CASZ1: variants seen among roughly 807,000 people sequenced by gnomAD.
CASZ1 encodes the protein zinc finger protein castor homolog 1.
In CASZ1, 28 loss-of-function variants were observed where a neutral mutation model predicts 135.2. The observed-to-expected ratio is 0.21, with a 90% CI of 0.15 to 0.28. The LOEUF (loss-of-function observed/expected upper bound fraction) is 0.28, where lower values mean the gene tolerates loss of function less well. Ranked by LOEUF, CASZ1 falls within the 10% of genes least tolerant of loss-of-function variation. CASZ1 has a pLI of 1.00. For missense variants in CASZ1, 2,161 were observed against 2,453.3 expected, an observed-to-expected ratio of 0.88 and a Z score of 2.52; for synonymous variants, 1,068 against 1,073.4, an observed-to-expected ratio of 0.99 and a Z score of 0.10.
Position 10,783,246 on chromosome 1 carries a change from AGTGTGTGT to A in CASZ1, c.-234+13310_-234+13317del, listed in dbSNP as rs70997266. 9.6e-4 allele frequency among the ~76,000 whole-genome samples: 142 copies of A among 148,130 alleles called. No individual in the cohort carries two copies. In the South Asian group the frequency reaches 9.6e-3, roughly 10 times the overall value. Reference sequence around the variant, plus strand: ...TTTTTAACGGCTAGGCCAGTGGAGAAGTGTGTGTGTGTGTGTGTGTGTGTGTGTGTGTA... The same window carrying A: ...TTTTTAACGGCTAGGCCAGTGGAGAAGTGTGTGTGTGTGTGTGTGTGTGTA... On this transcript the variant is annotated intron_variant, in intron 1 of 20. Coordinates refer to ENST00000377022, the MANE Select transcript of CASZ1 (RefSeq NM_001079843.3).
chr1:10,651,230 C>T (rs1359770552), intron 11 of CASZ1, 154 bp from the exon 12 acceptor site: 4 of 486,502 alleles, frequency 8.2e-6, no homozygotes, highest in Non-Finnish European at 1.3e-5. Flanking sequence ...TCGCGACGCT[C>T]GCTCCTGTGT....
In CASZ1 at chr1:10,653,978, C is replaced by T. The variant is rs138274113; in HGVS notation, c.2079G>A (p.Glu693=). 6.2e-7 allele frequency: 1 copy of T among 1,613,906 alleles called. No homozygotes were observed. The highest frequency in any genetic ancestry group is 1.3e-5 in the African/African-American group (1 of 74,950). The change falls in exon 11 of 21, where the codon GAG becomes GAA. Residue 693 remains glutamate (E), a synonymous_variant. Coordinates refer to ENST00000377022, the MANE Select transcript of CASZ1 (RefSeq NM_001079843.3). ...SQMTSHKRKH[E]RRHIRSSGAL... ...CGCCCGAGGAGCGGATGTGCCGGCGCTCATGCTTGCGCTTGTGAGAGGTCA... is the reference window on the plus strand; with the variant it reads ...CGCCCGAGGAGCGGATGTGCCGGCGTTCATGCTTGCGCTTGTGAGAGGTCA...
At chr1:10,744,883 G>T (rs183202347) in intron 2 of CASZ1, among the ~76,000 whole-genome samples, 6 of 152,158 alleles carry the variant, frequency 3.9e-5, no homozygotes, top group African/African-American at 1.4e-4. Context: ...CCCGGTACAC[G>T]GTACACGCAG....
At chr1:10,704,578 C>A (rs1411538635) in intron 3 of CASZ1, 1 of 152,250 alleles carries the variant, frequency 6.6e-6, no homozygotes, top group Non-Finnish European at 1.5e-5. Flanking sequence ...GGGAAGGGGG[C>A]CGGTAGGACA....
rs780341018 is a variant in CASZ1 at position 10,739,765 on chromosome 1, T to A, written c.-77+20936A>T. Reference sequence around the variant, plus strand: ...CTCTCTTTGGGGTTCTGGTTCCCGATTAAACCTTGACCTCTCTAGCACATG... The same window carrying A: ...CTCTCTTTGGGGTTCTGGTTCCCGAATAAACCTTGACCTCTCTAGCACATG... On this transcript the variant is annotated intron_variant, in intron 2 of 20. Coordinates refer to ENST00000377022, the MANE Select transcript of CASZ1 (RefSeq NM_001079843.3). The surrounding 1 kb of genome is among the most constrained non-coding windows in gnomAD (Gnocchi z 4.8). Among the ~76,000 whole-genome samples, 50 of 152,180 alleles carry A rather than the reference T, an allele frequency of 3.3e-4. No homozygotes were observed. Among genetic ancestry groups the A allele is most frequent in the Admixed American group, 6.5e-5 (1 of 15,280 alleles).
At chr1:10,712,902 G>A (rs1436315236) in intron 2 of CASZ1, among the ~76,000 whole-genome samples, 1 of 152,234 alleles carries the variant, frequency 6.6e-6, no homozygotes, top group Non-Finnish European at 1.5e-5. Context: ...CTCTGGATGG[G>A]TCTGAGTCGA....
At chr1:10,749,810 CA>C (rs1257585657) in intron 2 of CASZ1, among the ~76,000 whole-genome samples, 1 of 152,176 alleles carries the variant, frequency 6.6e-6, no homozygotes, top group African/African-American at 2.4e-5. Context: ...TTACATCTAA[CA>C]AATATTAATA....
At chr1:10,738,935 T>C (rs959684889) in intron 2 of CASZ1, among the ~76,000 whole-genome samples, 1 of 150,220 alleles carries the variant, frequency 6.7e-6, no homozygotes, top group Admixed American at 6.6e-5. Flanking sequence ...TTTTTTTTTT[T>C]TTTTTTTTTC....
chr1:10,714,044 C>T (rs1171661339), intron 2 of CASZ1, among the ~76,000 whole-genome samples: 1 of 152,214 alleles, frequency 6.6e-6, no homozygotes, highest in Non-Finnish European at 1.5e-5. Context: ...TGGTGGCTCA[C>T]ACCTGTAATC....
intron 2 of CASZ1, among the ~76,000 whole-genome samples, chr1:10,729,671 G>A (rs1010472326): frequency 6.6e-6 from 1 of 152,228 alleles, no homozygotes; most frequent in African/African-American, 2.4e-5. Flanking sequence ...CCTATTCAAC[G>A]TGGGGACATT....
rs1054619135 is a variant in CASZ1 at position 10,637,018 on chromosome 1, G to A, written c.*1924C>T. ...AAAGAAAATAAAACAAAAATTACACGTTAAAATTCAAAATGAGCTAGCAAT... is the reference window on the plus strand; with the variant it reads ...AAAGAAAATAAAACAAAAATTACACATTAAAATTCAAAATGAGCTAGCAAT... On this transcript the variant is annotated 3_prime_UTR_variant, in exon 21 of 21. Coordinates refer to ENST00000377022, the MANE Select transcript of CASZ1 (RefSeq NM_001079843.3). 6.6e-6 allele frequency: 1 copy of A among 152,234 alleles called. No individual in the cohort carries two copies. Among genetic ancestry groups the A allele is most frequent in the Admixed American group, 6.6e-5 (1 of 15,266 alleles). The allele number at this position is 152,234 out of a possible 1,614,324, so 9.4% of individuals were successfully genotyped here. A position where few individuals can be genotyped will look rare whatever the true frequency, so the allele number is the denominator to read the frequency against.
rs1024812960 is a variant in CASZ1, at chr1:10,711,865, A to C, written c.-76-6321T>G. On this transcript the variant is annotated intron_variant, in intron 2 of 20. Transcript: ENST00000377022. This position sits in a 1 kb window ranked among gnomAD's most constrained non-coding sequence, Gnocchi z 4.4. ...AGTTGTATGATTCCATTAATATGGA[A>C]TATCCGGAACAGGCAAATCCACAGA... Among the ~76,000 whole-genome samples, 1 of 152,212 alleles carries C rather than the reference A, an allele frequency of 6.6e-6. No individual in the cohort carries two copies. Among genetic ancestry groups the C allele is most frequent in the African/African-American group, 2.4e-5 (1 of 41,456 alleles).
intron 4 of CASZ1, among the ~76,000 whole-genome samples, chr1:10,692,136 G>A (rs1359770851): frequency 7.9e-5 from 12 of 152,328 alleles, no homozygotes; most frequent in Non-Finnish European, 8.8e-5. Flanking sequence ...CCTCGCTCCA[G>A]TCAGGACACC....
rs1428257318 is a variant in CASZ1 at position 10,725,930 on chromosome 1, G to A, written c.-76-20386C>T. Among the ~76,000 whole-genome samples, 4 of 152,112 alleles carry A rather than the reference G, an allele frequency of 2.6e-5. No individual in the cohort carries two copies. The highest frequency in any genetic ancestry group is 9.7e-5 in the African/African-American group (4 of 41,414). On this transcript the variant is annotated intron_variant, in intron 2 of 20. Coordinates refer to ENST00000377022, the MANE Select transcript of CASZ1 (RefSeq NM_001079843.3). The surrounding 1 kb of genome is among the most constrained non-coding windows in gnomAD (Gnocchi z 4.4). The stretch of plus-strand genomic sequence containing the variant: ...ACTTAGGAGGGGGCAGCATCCTCAG[G>A]ATCCCTTAGTAGCAAGAGCAGGGTG...
chr1:10,766,307 T>G (rs897041406), intron 1 of CASZ1, among the ~76,000 whole-genome samples: 2 of 152,182 alleles, frequency 1.3e-5, no homozygotes, highest in African/African-American at 4.8e-5. Context: ...ACTGCCCAGG[T>G]AGGAATCCAG....
rs1214677195 is a variant in CASZ1 at position 10,774,160 on chromosome 1, G to C, written c.-233-13303C>G. 6.6e-6 allele frequency among the ~76,000 whole-genome samples: 1 copy of C among 152,088 alleles called. No individual in the cohort carries two copies. The highest frequency in any genetic ancestry group is 1.5e-5 in the Non-Finnish European group (1 of 68,032). ...TCTTTTCCCATTTCCGTCTGCTTGTGGATGTAATTAGAGTTTTGGGTGGAA... is the reference window on the plus strand; with the variant it reads ...TCTTTTCCCATTTCCGTCTGCTTGTCGATGTAATTAGAGTTTTGGGTGGAA... On this transcript the variant is annotated intron_variant, in intron 1 of 20. Transcript: ENST00000377022. The surrounding 1 kb of genome is among the most constrained non-coding windows in gnomAD (Gnocchi z 4.4).
chr1:10,683,615 C>T (rs1441776432), intron 4 of CASZ1, among the ~76,000 whole-genome samples: 2 of 152,168 alleles, frequency 1.3e-5, no homozygotes, highest in Non-Finnish European at 2.9e-5. Flanking sequence ...AATGCCCGTT[C>T]GGTTAGACAT....
intron 2 of CASZ1, among the ~76,000 whole-genome samples, chr1:10,729,602 T>A (rs1639666378): frequency 1.3e-5 from 2 of 152,168 alleles, no homozygotes; most frequent in Non-Finnish European, 2.9e-5. Context: ...GCAGGCCTCT[T>A]CCCGAGACCC....
chr1:10,760,330 T>C (rs1390617844), intron 2 of CASZ1, among the ~76,000 whole-genome samples: 2 of 152,234 alleles, frequency 1.3e-5, no homozygotes, highest in Non-Finnish European at 2.9e-5. Flanking sequence ...TGATGGAGAA[T>C]GGTCCTTGGC....
Sources: gnomAD v4.1 joint callset for allele counts (sites outside exome capture counted in the v4.1 genomes callset) on GRCh38, gnomAD v4.1.1 for gene constraint, Gnocchi (gnomAD v3.1) non-coding constraint, MANE v1.5 for transcripts, NCBI Gene and HGNC (gene_info 2026-07-23, HGNC 2026-07-21) for gene names.